The following PDE1C variants were observed in gnomAD, a reference collection of about 807,000 sequenced individuals.
PDE1C encodes the protein dual specificity calcium/calmodulin-dependent 3',5'-cyclic nucleotide phosphodiesterase 1C.
PDE1C carries 62 observed loss-of-function variants against 93.1 expected under a neutral mutation model. That is an observed-to-expected ratio of 0.67 (90% CI 0.54 to 0.82). The LOEUF (loss-of-function observed/expected upper bound fraction) is 0.82, where lower values mean the gene tolerates loss of function less well. Ranked by LOEUF, PDE1C falls within the 40% of genes least tolerant of loss-of-function variation. PDE1C has a pLI of 0.00. For missense variants in PDE1C, 742 were observed against 884.6 expected (o/e 0.84, Z 2.04); for synonymous variants, 325 against 310.1 (o/e 1.05, Z -0.50).
rs113010123 is a variant in PDE1C at position 32,208,750 on chromosome 7, A to G, written c.136+739T>C. Among the ~76,000 whole-genome samples, 1,122 of 152,168 alleles carry G rather than the reference A, an allele frequency of 7.4e-3. 16 individuals are homozygous for G. The highest frequency in any genetic ancestry group is 0.026 in the African/African-American group (1,073 of 41,494). Reference sequence around the variant, plus strand: ...TTGGAATCCAGGTTTTCGTTCCAGGAAGTGCATTAACTTGCGGGATAATTT... The same window carrying G: ...TTGGAATCCAGGTTTTCGTTCCAGGGAGTGCATTAACTTGCGGGATAATTT... On this transcript the variant is annotated intron_variant, in intron 2 of 18. Transcript: ENST00000396193.
In PDE1C at chr7:32,011,972, A is replaced by G. The variant is rs577873993; in HGVS notation, c.128+39582T>C. ...ATTAGAATATTGTGATATATAAGCCATATAATGAACTAGTATTCCACAATA... is the reference window on the plus strand; with the variant it reads ...ATTAGAATATTGTGATATATAAGCCGTATAATGAACTAGTATTCCACAATA... On this transcript the variant is annotated intron_variant, in intron 2 of 17. Transcript: ENST00000396191. Among the ~76,000 whole-genome samples the G allele has an allele frequency of 5.9e-5, 9 of 152,360 alleles. No homozygotes were observed. The East Asian group carries it at 1.3e-3, about 23-fold the overall frequency.
At chr7:32,310,689 G>A (rs1783007234) in intron 1 of PDE1C, among the ~76,000 whole-genome samples, 1 of 152,026 alleles carries the variant, frequency 6.6e-6, no homozygotes, top group South Asian at 2.1e-4. Context: ...AAATAAAGAT[G>A]TTCTTTGAAA....
At chr7:31,885,620 T>C (rs1266343250) in intron 2 of PDE1C, among the ~76,000 whole-genome samples, 1 of 152,198 alleles carries the variant, frequency 6.6e-6, no homozygotes, top group Non-Finnish European at 1.5e-5. Flanking sequence ...CACAAAGGTG[T>C]TGGAAGAGGG....
intron 3 of PDE1C, among the ~76,000 whole-genome samples, chr7:32,115,240 G>A (rs1242260217): frequency 2.0e-5 from 3 of 152,084 alleles, no homozygotes; most frequent in Non-Finnish European, 2.9e-5. Context: ...GTGATGGACT[G>A]GATAAAGAAA....
intron 16 of PDE1C, among the ~76,000 whole-genome samples, chr7:31,777,785 C>G (rs1783111197): frequency 6.6e-6 from 1 of 152,116 alleles, no homozygotes; most frequent in African/African-American, 2.4e-5. Flanking sequence ...CCAAATAGCT[C>G]AGACCTACAA....
At chr7:32,046,274 A>T (rs1437302279) in intron 2 of PDE1C, among the ~76,000 whole-genome samples, 3 of 152,086 alleles carry the variant, frequency 2.0e-5, no homozygotes, top group Non-Finnish European at 4.4e-5. Flanking sequence ...AACTGAAAAC[A>T]TGAAGAAAAC....
chr7:32,298,530 G>T, intron 1 of PDE1C: 1 of 1,231,228 alleles, frequency 8.1e-7, no homozygotes, highest in Non-Finnish European at 1.1e-6. Flanking sequence ...CGCCCGGAGA[G>T]CACCCTCCGG....
intron 1 of PDE1C, among the ~76,000 whole-genome samples, chr7:32,256,562 A>G (rs1809810945): frequency 6.6e-6 from 1 of 152,176 alleles, no homozygotes. Flanking sequence ...CATCTCTACC[A>G]GCCTAGCCAA....
chr7:31,688,485 G>T, the PDE1C span, among the ~76,000 whole-genome samples: 1 of 152,258 alleles, frequency 6.6e-6, no homozygotes, highest in East Asian at 1.9e-4. Flanking sequence ...CAACTAATGT[G>T]TTTCAGCTCC....
At chr7:31,754,639 T>C (rs917916828) in intron 17 of PDE1C, among the ~76,000 whole-genome samples, 8 of 152,194 alleles carry the variant, frequency 5.3e-5, no homozygotes, top group African/African-American at 1.9e-4. Context: ...AGTCAGTCTG[T>C]AAAGGCTGTA....
At chr7:32,113,279 T>TATATATATATA (rs1798785222) in intron 3 of PDE1C, among the ~76,000 whole-genome samples, 1 of 106,310 alleles carries the variant, frequency 9.4e-6, no homozygotes, top group Non-Finnish European at 1.9e-5. Flanking sequence ...GTGGATATAT[T>TATATATATATA]TGGATCCATA....
At chr7:32,424,434 C>T (rs1298935106) in intron 1 of PDE1C, among the ~76,000 whole-genome samples, 1 of 152,172 alleles carries the variant, frequency 6.6e-6, no homozygotes, top group Admixed American at 6.6e-5. Context: ...ATGTACTTTC[C>T]CTTGGTTCCT....
chr7:32,327,215 A>G (rs1020160476), intron 1 of PDE1C, among the ~76,000 whole-genome samples: 5 of 152,176 alleles, frequency 3.3e-5, no homozygotes, highest in African/African-American at 4.8e-5. Context: ...AACTACTGCA[A>G]TACTCTCTCA....
At chr7:32,403,005 G>A (rs1461983403) in intron 1 of PDE1C, among the ~76,000 whole-genome samples, 1 of 152,200 alleles carries the variant, frequency 6.6e-6, no homozygotes, top group Non-Finnish European at 1.5e-5. Context: ...TTCAGGGCAG[G>A]AGACTCAGGA....
chr7:32,274,180 T>C (rs1167559108), intron 1 of PDE1C, among the ~76,000 whole-genome samples: 1 of 152,006 alleles, frequency 6.6e-6, no homozygotes, highest in African/African-American at 2.4e-5. Context: ...AATATGGATA[T>C]AATGGCATTT....
At chr7:32,266,679 A>G (rs1810597121) in intron 1 of PDE1C, among the ~76,000 whole-genome samples, 1 of 152,150 alleles carries the variant, frequency 6.6e-6, no homozygotes, top group African/African-American at 2.4e-5. Flanking sequence ...ACTTCTTCAG[A>G]CAGAATGGTC....
chr7:32,410,528 G>C (rs946118020), intron 1 of PDE1C, among the ~76,000 whole-genome samples: 1 of 152,134 alleles, frequency 6.6e-6, no homozygotes, highest in Non-Finnish European at 1.5e-5. Context: ...GCATGGAACA[G>C]ACAGGTGGTC....
intron 16 of PDE1C, among the ~76,000 whole-genome samples, chr7:31,793,828 C>T (rs549524054): frequency 1.4e-4 from 21 of 151,962 alleles, no homozygotes; most frequent in Admixed American, 3.9e-4. Flanking sequence ...CATGCTTTCT[C>T]CTTGCCCTAA....
chr7:32,374,264 A>AAAGAAAGG (rs1784391223), intron 1 of PDE1C, among the ~76,000 whole-genome samples: 1 of 124,926 alleles, frequency 8.0e-6, no homozygotes, highest in African/African-American at 3.3e-5. Context: ...AGGAAGAAAG[A>AAAGAAAGG]AAGAAAGAAA....
Sources: allele counts gnomAD v4.1 joint callset (sites outside exome capture counted in the v4.1 genomes callset), GRCh38; gene constraint gnomAD v4.1.1; transcripts MANE v1.5; gene names NCBI Gene and HGNC (gene_info 2026-07-23, HGNC 2026-07-21).